Variants in PRKCZ observed in about 807,000 individuals in gnomAD.
The protein encoded by PRKCZ is protein kinase C zeta, also known as protein kinase C zeta type.
In PRKCZ, 33 loss-of-function variants were observed where a neutral mutation model predicts 79.5. The observed-to-expected ratio is 0.41, with a 90% CI of 0.31 to 0.55. The LOEUF (loss-of-function observed/expected upper bound fraction) is 0.55. Among genes scored for constraint, PRKCZ ranks in the 20% least tolerant of loss-of-function variants. The probability of loss-of-function intolerance (pLI) is 0.19; values close to 1 mark genes in which losing one functional copy is unlikely to be tolerated. For missense variants in PRKCZ, 578 were observed against 813.5 expected (o/e 0.71, Z 3.52); for synonymous variants, 342 against 320.9 (o/e 1.07, Z -0.70).
intron 10 of PRKCZ, among the ~76,000 whole-genome samples, chr1:2,164,310 T>C (rs1168311727): frequency 6.4e-5 from 6 of 94,146 alleles, no homozygotes; most frequent in African/African-American, 2.1e-4. Flanking sequence ...GGACCCTTTA[T>C]TGGGTCCAGG....
chr1:2,120,293 G>GTTTTTTCTTT (rs1671606517), intron 4 of PRKCZ, among the ~76,000 whole-genome samples: 1 of 32,842 alleles, frequency 3.0e-5, no homozygotes, highest in Non-Finnish European at 5.7e-5. Flanking sequence ...TTGACTTTTC[G>GTTTTTTCTTT]TTTTTTTTTT....
chr1:2,112,983 C>T lies in PRKCZ; in HGVS notation c.335-22279C>T, dbSNP rs1420204649. On this transcript the variant is annotated intron_variant, in intron 4 of 17. Transcript: ENST00000378567. ...CTGGGATTACAGGCTTGAGCCACTG[C>T]GCCCGGCCCCATTTTCTTTACATTT... Among the ~76,000 whole-genome samples, 23 of 152,338 alleles carry T rather than the reference C, an allele frequency of 1.5e-4. 1 individual carries two copies. The highest frequency in any genetic ancestry group is 1.1e-3 in the Admixed American group (17 of 15,312).
At chr1:2,070,464 C>G (rs1035398084) in intron 4 of PRKCZ, among the ~76,000 whole-genome samples, 3 of 152,152 alleles carry the variant, frequency 2.0e-5, no homozygotes, top group Admixed American at 6.5e-5. Flanking sequence ...GCCTTTGCCT[C>G]TGGGTATATT....
chr1:2,090,827 A>G (rs1272930254), intron 4 of PRKCZ, among the ~76,000 whole-genome samples: 22 of 152,016 alleles, frequency 1.4e-4, no homozygotes, highest in Admixed American at 1.4e-3. Flanking sequence ...TGGTTTACTT[A>G]TTTTCAGACT....
At chr1:2,135,915 C>T (rs1265749377) in intron 5 of PRKCZ, among the ~76,000 whole-genome samples, 1 of 152,142 alleles carries the variant, frequency 6.6e-6, no homozygotes, top group Non-Finnish European at 1.5e-5. Flanking sequence ...TGTAATTGTT[C>T]TGTTTCACAG....
chr1:2,121,685 CACG>C (rs199976070), intron 4 of PRKCZ, among the ~76,000 whole-genome samples: 82 of 62,188 alleles, frequency 1.3e-3, no homozygotes, highest in Non-Finnish European at 1.8e-3. Flanking sequence ...TGGTTAGGGT[CACG>C]GTGGTGGTTA....
intron 4 of PRKCZ, among the ~76,000 whole-genome samples, chr1:2,134,182 C>T (rs1675672578): frequency 1.3e-5 from 2 of 152,204 alleles, no homozygotes; most frequent in Admixed American, 6.5e-5. Flanking sequence ...CTTTGACCTG[C>T]GCTCCTGGAG....
chr1:2,059,170 A>C (rs1227813775), intron 3 of PRKCZ, among the ~76,000 whole-genome samples: 1 of 152,238 alleles, frequency 6.6e-6, no homozygotes, highest in East Asian at 1.9e-4. Flanking sequence ...AATAATTTTG[A>C]ACTCTGTCTT....
chr1:2,078,015 T>A (rs1295727083), intron 4 of PRKCZ, among the ~76,000 whole-genome samples: 1 of 152,250 alleles, frequency 6.6e-6, no homozygotes, highest in Admixed American at 6.5e-5. Context: ...ATCAGTTTCC[T>A]AGATGTCTTG....
At chr1:2,098,333 A>G (rs1052625543) in intron 4 of PRKCZ, 1 of 152,252 alleles carries the variant, frequency 6.6e-6, no homozygotes, top group Non-Finnish European at 1.5e-5. Flanking sequence ...AGAGGAATTT[A>G]TTATGTTCTA....
intron 4 of PRKCZ, among the ~76,000 whole-genome samples, chr1:2,076,945 T>C (rs2490549): frequency 0.49 from 75,023 of 152,028 alleles, 22,891 homozygotes; most frequent in East Asian, 0.95. Context: ...GCACCCACCA[T>C]GCTCGGGACT....
In PRKCZ at chr1:2,178,640, C is replaced by CTG. The variant is rs550077870; in HGVS notation, c.1575+3329_1575+3330dup. ...CAGTCTAGCCTTTCAGGGGGGCCAC[C>CTG]TGTTCCTGCAGCGGCTGCTTTCTGG... is the stretch of plus-strand genomic sequence containing the variant. On this transcript the variant is annotated intron_variant, in intron 16 of 17. Transcript: ENST00000378567. The surrounding 1 kb of genome is among the most constrained non-coding windows in gnomAD (Gnocchi z 4.3). 8.6e-3 allele frequency among the ~76,000 whole-genome samples: 1,314 copies of CTG among 152,340 alleles called. 12 individuals carry two copies. Among genetic ancestry groups the CTG allele is most frequent in the South Asian group, 0.01 (50 of 4,822 alleles).
At position 2,149,055 on chromosome 1, in the gene PRKCZ, G is replaced by T; in HGVS notation, c.687+131G>T. The stretch of plus-strand genomic sequence containing the variant: ...CGGGGTGTTGCTAACTAATCTTCAC[G>T]GGTGTGGATGTCTAGAAGGAAGTCC... On this transcript the variant is annotated intron_variant, in intron 8 of 17. Coordinates refer to ENST00000378567, the MANE Select transcript of PRKCZ (RefSeq NM_002744.6). This position sits in a 1 kb window ranked among gnomAD's most constrained non-coding sequence, Gnocchi z 4.1. 1.0e-6 allele frequency: 1 copy of T among 953,346 alleles called. No individual in the cohort carries two copies. The highest frequency in any genetic ancestry group is 1.6e-6 in the Non-Finnish European group (1 of 622,870). 59.1% of individuals were successfully genotyped at this position (953,346 alleles called of 1,614,324 possible).
chr1:2,146,250 G>A, intron 7 of PRKCZ, 142 bp downstream of exon 7: 1 of 793,918 alleles, frequency 1.3e-6, no homozygotes, highest in Non-Finnish European at 2.0e-6. Context: ...CCTTCCCTGG[G>A]GCTGGGGATG....
chr1:2,146,190 T>G, intron 7 of PRKCZ, 82 bp downstream of exon 7: 2 of 1,366,118 alleles, frequency 1.5e-6, no homozygotes, highest in Non-Finnish European at 2.1e-6. Context: ...CACGAGTCCT[T>G]TCTCAGTCCC....
Position 2,178,844 on chromosome 1 carries a change from G to C in PRKCZ, c.1575+3531G>C, listed in dbSNP as rs1358502622. ...ACGGACTGCGGGGAAGGCAGTGGGA[G>C]CAGCAGGAATGGATGGTGAAAGGAC... is the stretch of plus-strand genomic sequence containing the variant. On this transcript the variant is annotated intron_variant, in intron 16 of 17. Transcript: ENST00000378567. The surrounding 1 kb of genome is among the most constrained non-coding windows in gnomAD (Gnocchi z 4.3). 6.6e-6 allele frequency among the ~76,000 whole-genome samples: 1 copy of C among 152,190 alleles called. No individual in the cohort carries two copies. The highest frequency in any genetic ancestry group is 6.5e-5 in the Admixed American group (1 of 15,288).
chr1:2,064,834 TC>T (rs1439781466), intron 4 of PRKCZ, among the ~76,000 whole-genome samples: 1 of 152,148 alleles, frequency 6.6e-6, no homozygotes, highest in East Asian at 1.9e-4. Flanking sequence ...TGTTTTGGGG[TC>T]CCCTGAGATT....
rs186639919 is a variant in PRKCZ at position 2,167,562 on chromosome 1, A to G, written c.975-1956A>G. Among the ~76,000 whole-genome samples, 54 of 152,200 alleles carry G rather than the reference A, an allele frequency of 3.5e-4. No homozygotes were observed. The East Asian group carries it at 8.5e-3, about 24-fold the overall frequency. ...GGCGTGTAACTCCTGGTGGCAAAAA[A>G]TGTGCGGTGAAGTCACCCTAAGGGT... On this transcript the variant is annotated intron_variant, in intron 10 of 17. Coordinates refer to ENST00000378567, the MANE Select transcript of PRKCZ (RefSeq NM_002744.6).
chr1:2,105,952 C>T (rs932235198), intron 4 of PRKCZ, among the ~76,000 whole-genome samples: 7 of 152,240 alleles, frequency 4.6e-5, no homozygotes, highest in South Asian at 2.1e-4. Flanking sequence ...GCTGGGACCA[C>T]GAGTGGCACC....
Sources: gnomAD v4.1 joint callset for allele counts (sites outside exome capture counted in the v4.1 genomes callset) on GRCh38, gnomAD v4.1.1 for gene constraint, Gnocchi (gnomAD v3.1) non-coding constraint, MANE v1.5 for transcripts, NCBI Gene and HGNC (gene_info 2026-07-23, HGNC 2026-07-21) for gene names.